DET1: variants seen among roughly 807,000 people sequenced by gnomAD.
DET1 encodes the protein DET1 partner of COP1 E3 ubiquitin ligase, also known as DET1 homolog.
A neutral mutation model predicts 43.7 loss-of-function variants in DET1; 22 were observed. The observed-to-expected ratio is 0.50, with a 90% CI of 0.36 to 0.72. The LOEUF (loss-of-function observed/expected upper bound fraction) is 0.72, where lower values mean the gene tolerates loss of function less well. Ranked by LOEUF, DET1 falls within the 30% of genes least tolerant of loss-of-function variation. The pLI, the probability that DET1 is intolerant of heterozygous loss-of-function variation, is 0.00. For synonymous variants in DET1, 315 were observed against 266.2 expected (o/e 1.18, Z -1.79); for missense variants, 713 against 713.3 (o/e 1.00, Z 0.00).
intron 8 of DET1, chr15:88,502,120 G>A (rs531696079): frequency 1.7e-4 from 26 of 152,218 alleles, no homozygotes; most frequent in African/African-American, 6.3e-4. Context: ...GAATGATAGA[G>A]GCAATTTATT....
At chr15:88,517,973 G>A (rs2056391445) in intron 3 of DET1, among the ~76,000 whole-genome samples, 1 of 152,114 alleles carries the variant, frequency 6.6e-6, no homozygotes, top group Non-Finnish European at 1.5e-5. Flanking sequence ...GTCTCACTGT[G>A]TTGCCCAGGC....
At position 88,531,469 on chromosome 15, in the gene DET1, C is replaced by G; in HGVS notation, c.237G>C (p.Gln79His). 2 of 1,613,996 alleles carry G rather than the reference C, an allele frequency of 1.2e-6. No homozygotes were observed. The highest frequency in any genetic ancestry group is 1.7e-6 in the Non-Finnish European group (2 of 1,179,900). Residue 79 changes from glutamine to histidine, a missense_variant, in exon 2 of 5, where the codon CAG becomes CAC. Transcript: ENST00000268148. The surrounding 1 kb of genome is among the most constrained non-coding windows in gnomAD (Gnocchi z 6.2). ...GRYFIAFSSD[Q>H]TSLEIYEYQG... The stretch of plus-strand genomic sequence containing the variant: ...GGTACTCATAGATTTCAAGAGATGT[C>G]TGGTCTGAAGAAAAAGCAATAAAGT...
chr15:88,543,935 GAAGAA>G (rs1209992774), intron 1 of DET1, among the ~76,000 whole-genome samples: 1 of 152,184 alleles, frequency 6.6e-6, no homozygotes, highest in African/African-American at 2.4e-5. Context: ...AAACTCGCCA[GAAGAA>G]AAGTGGGAAA....
chr15:88,528,020 A>G (rs1191695502), intron 2 of DET1, among the ~76,000 whole-genome samples: 1 of 152,232 alleles, frequency 6.6e-6, no homozygotes, highest in African/African-American at 2.4e-5. Flanking sequence ...GAGAGCCTCA[A>G]TGTTGCCAGA....
chr15:88,526,672 A>G (rs951939362), intron 3 of DET1, among the ~76,000 whole-genome samples: 2 of 152,198 alleles, frequency 1.3e-5, no homozygotes. Context: ...CAGTATGTCA[A>G]CTTTCACCTA....
chr15:88,534,956 C>G (rs935763263), intron 1 of DET1, among the ~76,000 whole-genome samples: 11 of 152,128 alleles, frequency 7.2e-5, no homozygotes, highest in African/African-American at 2.7e-4. Context: ...CTAGAAAAGA[C>G]AATTGACAGA....
At chr15:88,529,659 A>G (rs1379283441) in intron 2 of DET1, among the ~76,000 whole-genome samples, 1 of 152,224 alleles carries the variant, frequency 6.6e-6, no homozygotes, top group Non-Finnish European at 1.5e-5. Context: ...GGTCAATAAG[A>G]GATACCAAAC....
intron 1 of DET1, among the ~76,000 whole-genome samples, chr15:88,539,790 G>A (rs2057055832): frequency 6.6e-6 from 1 of 152,184 alleles, no homozygotes. Flanking sequence ...TGGCACCATG[G>A]AAGTTGTGGG....
chr15:88,522,857 G>A (rs901620650), intron 3 of DET1, among the ~76,000 whole-genome samples: 4 of 150,004 alleles, frequency 2.7e-5, no homozygotes, highest in Non-Finnish European at 4.4e-5. Flanking sequence ...TTGATTCAGC[G>A]AATGTAACAT....
At chr15:88,538,275 C>T (rs1339358520) in intron 1 of DET1, among the ~76,000 whole-genome samples, 2 of 150,886 alleles carry the variant, frequency 1.3e-5, no homozygotes, top group Non-Finnish European at 3.0e-5. Context: ...CCCAGCACAT[C>T]CAAGAATGCA....
At chr15:88,507,874 G>C (rs76964066), downstream of DET1, among the ~76,000 whole-genome samples, 1 of 152,342 alleles carries the variant, frequency 6.6e-6, no homozygotes, top group East Asian at 1.9e-4. Flanking sequence ...TCCACGGACT[G>C]TTAGGAACCA....
chr15:88,527,470 G>A lies in DET1; in HGVS notation c.1271+129C>T, dbSNP rs185387582. 1.0e-4 allele frequency: 80 copies of A among 767,874 alleles called. No homozygotes were observed. The African/African-American group carries it at 1.3e-3, about 13-fold the overall frequency. 47.6% of individuals were successfully genotyped at this position (767,874 alleles called of 1,614,324 possible). ...GAAAGAAGTTCAGGAAGAAACAAGG[G>A]GTTATAATAAGCAGAATAACCAAAG... On this transcript the variant is annotated intron_variant, in intron 3 of 4. Transcript: ENST00000268148.
chr15:88,522,420 T>A (rs992624306), intron 3 of DET1, among the ~76,000 whole-genome samples: 1 of 152,088 alleles, frequency 6.6e-6, no homozygotes, highest in Non-Finnish European at 1.5e-5. Context: ...CCTTCTCTTA[T>A]CTATTTACTC....
chr15:88,510,080 C>A (rs73467619), downstream of DET1, among the ~76,000 whole-genome samples: 484 of 152,278 alleles, frequency 3.2e-3, 4 homozygotes, highest in African/African-American at 0.011. Flanking sequence ...CTTATCCTAA[C>A]CTGAGTCAGG....
chr15:88,506,300 C>G (rs1050279040), intron 7 of DET1, among the ~76,000 whole-genome samples: 5 of 152,180 alleles, frequency 3.3e-5, no homozygotes, highest in Admixed American at 2.0e-4. Context: ...AGGGTTTGCA[C>G]CAGGCTTCAC....
chr15:88,514,220 T>C (rs1302167980), intron 4 of DET1, among the ~76,000 whole-genome samples: 1 of 152,182 alleles, frequency 6.6e-6, no homozygotes, highest in Admixed American at 6.5e-5. Context: ...TTTAAATGCC[T>C]TTGCCATATG....
In DET1 at chr15:88,530,889, G is replaced by A. The variant is rs1364618181; in HGVS notation, c.817C>T (p.Pro273Ser). 6 of 1,613,978 alleles carry A rather than the reference G, an allele frequency of 3.7e-6. No individual in the cohort carries two copies. The highest frequency in any genetic ancestry group is 2.7e-5 in the African/African-American group (2 of 75,040). ...GTCTGACTGTCCCGCTGTACCTCAG[G>A]GAAAACAGCTGACACAGTGAGCAGG... ...DDLLTVSAVF[P>S]EVQRDSQTGM... is the part of the protein sequence containing the mutation. Residue 273 changes from proline to serine, a missense_variant, in exon 2 of 5, where the codon CCT becomes TCT. Physicochemically the swap from Pro to Ser is moderately conservative, Grantham distance 74. Coordinates refer to ENST00000268148, the MANE Select transcript of DET1 (RefSeq NM_001144074.3).
intron 1 of DET1, among the ~76,000 whole-genome samples, chr15:88,543,062 A>C (rs1475661373): frequency 6.6e-6 from 1 of 152,246 alleles, no homozygotes; most frequent in African/African-American, 2.4e-5. Context: ...ACAGACACCG[A>C]AGAACAGGCT....
At chr15:88,538,127 G>T (rs182082119) in intron 1 of DET1, among the ~76,000 whole-genome samples, 1 of 152,190 alleles carries the variant, frequency 6.6e-6, no homozygotes, top group East Asian at 1.9e-4. Context: ...GACTGAATTG[G>T]GACACTTGTA....
Sources: allele counts gnomAD v4.1 joint callset (sites outside exome capture counted in the v4.1 genomes callset), GRCh38; gene constraint gnomAD v4.1.1; non-coding constraint Gnocchi (gnomAD v3.1); transcripts MANE v1.5; gene names NCBI Gene and HGNC (gene_info 2026-07-23, HGNC 2026-07-21).